OSBPL2: variants seen among roughly 807,000 people sequenced by gnomAD.
The protein encoded by OSBPL2 is oxysterol binding protein like 2.
Under a neutral mutation model 58.4 loss-of-function variants are expected in OSBPL2, and 18 were observed. The ratio of observed to expected loss-of-function variants is 0.31; its 90% CI spans 0.21 to 0.46. The LOEUF (loss-of-function observed/expected upper bound fraction) is 0.46. Among genes scored for constraint, OSBPL2 ranks in the 20% least tolerant of loss-of-function variants. The pLI, the probability that OSBPL2 is intolerant of heterozygous loss-of-function variation, is 1.00. For synonymous variants in OSBPL2, 221 were observed against 234.1 expected (o/e 0.94, Z 0.51); for missense variants, 461 against 616.5 (o/e 0.75, Z 2.67).
intron 1 of OSBPL2, chr20:62,242,650 C>G (rs566144532): frequency 6.6e-6 from 1 of 152,382 alleles, no homozygotes; most frequent in African/African-American, 2.4e-5. Context: ...AGGCCTCTCT[C>G]CTGGGTGTAA....
intron 1 of OSBPL2, among the ~76,000 whole-genome samples, chr20:62,242,993 C>G (rs1457821810): frequency 6.6e-6 from 1 of 152,160 alleles, no homozygotes; most frequent in Non-Finnish European, 1.5e-5. Context: ...CTGAATAAAC[C>G]TAAGGCTGAT....
chr20:62,247,906 G>A (rs892021093), intron 1 of OSBPL2, among the ~76,000 whole-genome samples: 8 of 151,368 alleles, frequency 5.3e-5, no homozygotes, highest in African/African-American at 1.7e-4. Flanking sequence ...CTTGTGATCC[G>A]CCCACCTCGG....
chr20:62,291,636 G>T lies in OSBPL2; in HGVS notation c.1250-67G>T, dbSNP rs890992592. 27 of 1,268,198 alleles carry T rather than the reference G, an allele frequency of 2.1e-5. 1 individual carries two copies. In the East Asian group the frequency reaches 2.3e-4, roughly 11 times the overall value. The allele number at this position is 1,268,198 out of a possible 1,614,324, so 78.6% of individuals were successfully genotyped here. A position where few individuals can be genotyped will look rare whatever the true frequency, so the allele number is the denominator to read the frequency against. ...AGACATGCCAACTAGAGATCTAGGT[G>T]CATAGGGGGTGGCGGGGTGCGGTTC... On this transcript the variant is annotated intron_variant, in intron 12 of 13. Transcript: ENST00000313733.
rs1981910170 is a variant in OSBPL2 at position 62,269,458 on chromosome 20, T to C, written c.259-2667T>C. Among the ~76,000 whole-genome samples the C allele has an allele frequency of 2.6e-5, 4 of 152,204 alleles. No individual in the cohort carries two copies. On this transcript the variant is annotated intron_variant, in intron 4 of 13. Coordinates refer to ENST00000313733, the MANE Select transcript of OSBPL2 (RefSeq NM_144498.4). The surrounding 1 kb of genome is among the most constrained non-coding windows in gnomAD (Gnocchi z 4.2). ...CAGTCCCCTCGTGGGGCTGCATCACTGTGCATTTCCACAGCAGCCGGGGGG... is the reference window on the plus strand; with the variant it reads ...CAGTCCCCTCGTGGGGCTGCATCACCGTGCATTTCCACAGCAGCCGGGGGG...
At position 62,289,198 on chromosome 20, in the gene OSBPL2, G is replaced by A. The variant is rs113137219; in HGVS notation, c.1126-9G>A. 5,943 of 1,613,364 alleles carry A rather than the reference G, an allele frequency of 3.7e-3. 184 individuals are homozygous for A. The African/African-American group carries it at 0.068, about 18-fold the overall frequency. ...TGCTGAGGTCGTGTCTCTGTGCCTT[G>A]CTCCACAGATGTATAATTTCACCAG... On this transcript the variant is annotated splice_polypyrimidine_tract_variant and intron_variant, in intron 11 of 13. Coordinates refer to ENST00000313733, the MANE Select transcript of OSBPL2 (RefSeq NM_144498.4).
chr20:62,254,523 C>T (rs1050602750), intron 1 of OSBPL2, among the ~76,000 whole-genome samples: 3 of 152,236 alleles, frequency 2.0e-5, no homozygotes, highest in African/African-American at 7.2e-5. Context: ...AGGGAGGAAC[C>T]GGGAGACACT....
chr20:62,247,728 G>A (rs555195197), intron 1 of OSBPL2, among the ~76,000 whole-genome samples: 28 of 149,440 alleles, frequency 1.9e-4, no homozygotes, highest in African/African-American at 5.7e-4. Flanking sequence ...GTGCAGTGGT[G>A]CAATCTCAGC....
At chr20:62,280,182 C>A in intron 7 of OSBPL2, 3 of 1,137,570 alleles carry the variant, frequency 2.6e-6, no homozygotes, top group Non-Finnish European at 3.5e-6. Flanking sequence ...CTAACAAATA[C>A]ATACAGAAAT....
In OSBPL2 at chr20:62,274,390, G is replaced by A. The variant is rs80354820; in HGVS notation, c.491+984G>A. Among the ~76,000 whole-genome samples the A allele has an allele frequency of 3.7e-3, 559 of 152,310 alleles. 9 individuals carry two copies. In the East Asian group the frequency reaches 0.067, roughly 18 times the overall value. ...GATGTGGGTGGCTTCCTTCAGGGCC[G>A]TTTGGTGATGTCTAAAATGATTTTT... On this transcript the variant is annotated intron_variant, in intron 6 of 13. Transcript: ENST00000313733.
At chr20:62,267,039 T>A (rs980342722) in intron 4 of OSBPL2, among the ~76,000 whole-genome samples, 3 of 152,218 alleles carry the variant, frequency 2.0e-5, no homozygotes, top group African/African-American at 7.2e-5. Context: ...CGCTCGAGGC[T>A]ACGGGTTCAG....
chr20:62,243,422 A>G (rs1218777183), intron 1 of OSBPL2, among the ~76,000 whole-genome samples: 7 of 151,616 alleles, frequency 4.6e-5, no homozygotes, highest in Non-Finnish European at 1.0e-4. Context: ...GAGGAGCCCT[A>G]GCGCCTGCCC....
intron 1 of OSBPL2, among the ~76,000 whole-genome samples, chr20:62,253,613 G>T (rs1036252087): frequency 1.3e-5 from 2 of 151,946 alleles, no homozygotes; most frequent in Non-Finnish European, 2.9e-5. Flanking sequence ...CCAGTCCAAG[G>T]TGCTGGTGTC....
At chr20:62,274,682 C>G (rs935123000) in intron 6 of OSBPL2, among the ~76,000 whole-genome samples, 1 of 152,170 alleles carries the variant, frequency 6.6e-6, no homozygotes, top group African/African-American at 2.4e-5. Context: ...TCAGTGGAGC[C>G]CAGCACACAG....
At chr20:62,290,472 A>G (rs1471137451) in intron 12 of OSBPL2, among the ~76,000 whole-genome samples, 1 of 120,744 alleles carries the variant, frequency 8.3e-6, no homozygotes. Flanking sequence ...GCTGGAGGGC[A>G]GTGGTGCGAT....
intron 4 of OSBPL2, 112 bp from the exon 5 acceptor site, chr20:62,272,013 T>C: frequency 7.4e-7 from 1 of 1,350,730 alleles, no homozygotes; most frequent in South Asian, 1.3e-5. Flanking sequence ...GAAGATCCGG[T>C]TCAACCCCAG....
At chr20:62,275,725 G>A (rs1982346321) in intron 6 of OSBPL2, among the ~76,000 whole-genome samples, 1 of 152,202 alleles carries the variant, frequency 6.6e-6, no homozygotes, top group East Asian at 1.9e-4. Flanking sequence ...TAGGATTACA[G>A]GTGTGAGCCT....
chr20:62,281,406 G>C (rs1199654524), intron 8 of OSBPL2: 1 of 539,492 alleles, frequency 1.9e-6, no homozygotes, highest in Non-Finnish European at 3.3e-6. Flanking sequence ...TTTGAGCTAT[G>C]CTGAAGAGCT....
rs1980641210 is a variant in OSBPL2 at position 62,252,722 on chromosome 20, A to G, written c.-128-3335A>G. Reference sequence around the variant, plus strand: ...TTTAATTAGGTCGCGGTTCTGCTCTACGGGAAACATGGCGCTGGCATCTGC... The same window carrying G: ...TTTAATTAGGTCGCGGTTCTGCTCTGCGGGAAACATGGCGCTGGCATCTGC... On this transcript the variant is annotated intron_variant, in intron 1 of 13. Transcript: ENST00000313733. 2.0e-5 allele frequency among the ~76,000 whole-genome samples: 3 copies of G among 152,220 alleles called. No individual in the cohort carries two copies. The South Asian group carries it at 6.2e-4, about 32-fold the overall frequency.
At chr20:62,286,987 C>CAGCT (rs1158396842) in intron 11 of OSBPL2, among the ~76,000 whole-genome samples, 10 of 152,256 alleles carry the variant, frequency 6.6e-5, no homozygotes, top group Admixed American at 6.5e-4. Context: ...GACGCATGCT[C>CAGCT]AGCTGCGTGT....
Sources: gnomAD v4.1 joint callset for allele counts (sites outside exome capture counted in the v4.1 genomes callset) on GRCh38, gnomAD v4.1.1 for gene constraint, Gnocchi (gnomAD v3.1) non-coding constraint, MANE v1.5 for transcripts, NCBI Gene and HGNC (gene_info 2026-07-23, HGNC 2026-07-21) for gene names.